OXR1: variants seen among roughly 807,000 people sequenced by gnomAD.
OXR1 encodes oxidation resistance 1, also known as oxidation resistance protein 1.
Under a neutral mutation model 104.6 loss-of-function variants are expected in OXR1, and 41 were observed. The observed-to-expected ratio is 0.39, with a 90% confidence interval of 0.31 to 0.51. The LOEUF is 0.51. OXR1 is among the 20% of genes least tolerant of loss of function. The pLI, the probability that OXR1 is intolerant of heterozygous loss-of-function variation, is 0.77. For synonymous variants in OXR1, 348 were observed against 348.4 expected (o/e 1.00, Z 0.01); for missense variants, 955 against 1,031.9 (o/e 0.93, Z 1.02).
chr8:106,596,546 G>T (rs1819536786), intron 3 of OXR1, among the ~76,000 whole-genome samples: 1 of 152,150 alleles, frequency 6.6e-6, no homozygotes, highest in South Asian at 2.1e-4. Flanking sequence ...GCAAATGAGT[G>T]CAATGGAAGA....
intron 2 of OXR1, among the ~76,000 whole-genome samples, chr8:106,484,702 T>C (rs766141739): frequency 2.6e-5 from 4 of 151,972 alleles, no homozygotes; most frequent in African/African-American, 4.8e-5. Flanking sequence ...CAACAGGAAC[T>C]CTCATTCATT....
intron 2 of OXR1, among the ~76,000 whole-genome samples, chr8:106,456,138 A>C (rs575091863): frequency 1.3e-5 from 2 of 152,192 alleles, no homozygotes; most frequent in Admixed American, 6.5e-5. Context: ...TAAATAAAAA[A>C]CTTTTTAAAA....
intron 2 of OXR1, among the ~76,000 whole-genome samples, chr8:106,363,506 C>T (rs1028176765): frequency 1.3e-4 from 19 of 150,582 alleles, no homozygotes; most frequent in African/African-American, 3.9e-4. Context: ...TTATAATTCA[C>T]AGAAAACCAT....
At chr8:106,667,461 C>T (rs547798176) in intron 3 of OXR1, among the ~76,000 whole-genome samples, 1 of 152,226 alleles carries the variant, frequency 6.6e-6, no homozygotes, top group East Asian at 1.9e-4. Flanking sequence ...TTTCTGCCAA[C>T]CTCTGGATAG....
At chr8:106,746,388 T>G (rs575388137) in intron 16 of OXR1, among the ~76,000 whole-genome samples, 52 of 60,900 alleles carry the variant, frequency 8.5e-4, no homozygotes, top group African/African-American at 3.3e-3. Flanking sequence ...GGAGCTTTGT[T>G]TTTTATTTGG....
Position 106,670,851 on chromosome 8 carries a change from A to G in OXR1, c.221-8359A>G, listed in dbSNP as rs542646467. ...GGGCAAAAGCATTATTTAAAGAGAG[A>G]ATGGCTGGCCAACATGGGGAAACCC... On this transcript the variant is annotated intron_variant, in intron 3 of 16. Transcript: ENST00000517566. Among the ~76,000 whole-genome samples, 8 of 151,872 alleles carry G rather than the reference A, an allele frequency of 5.3e-5. No homozygotes were observed. The South Asian group carries it at 1.5e-3, about 28-fold the overall frequency.
intron 1 of OXR1, among the ~76,000 whole-genome samples, chr8:106,348,078 G>A (rs1815570285): frequency 6.6e-6 from 1 of 152,196 alleles, no homozygotes; most frequent in South Asian, 2.1e-4. Flanking sequence ...TTCAAGAAGG[G>A]AAAGGACATT....
chr8:106,634,005 A>G (rs890215546), intron 3 of OXR1, among the ~76,000 whole-genome samples: 3 of 152,214 alleles, frequency 2.0e-5, no homozygotes, highest in African/African-American at 7.2e-5. Flanking sequence ...TGAATCGACA[A>G]TAATCTCCCT....
chr8:106,495,302 A>G (rs16874762), intron 2 of OXR1, among the ~76,000 whole-genome samples: 8,212 of 152,240 alleles, frequency 0.054, 294 homozygotes, highest in African/African-American at 0.092. Flanking sequence ...TCAGGTAACT[A>G]TTGAAAGTGT....
rs147014792 is a variant in OXR1 at position 106,750,919 on chromosome 8, T to C, written c.2600T>C (p.Ile867Thr). 26 of 1,604,276 alleles carry C rather than the reference T, an allele frequency of 1.6e-5. No homozygotes were observed. Among genetic ancestry groups the C allele is most frequent in the Middle Eastern group, 2.1e-4 (1 of 4,750 alleles). Residue 867 changes from isoleucine (I) to threonine (T), a missense_variant, in exon 17 of 17, where the codon ATT (isoleucine) becomes ACT (threonine). Ile to Thr is a moderately conservative substitution (Grantham distance 89). Transcript: ENST00000517566. ...AAGGAAGATTTCTTTATCCAAGATA[T>C]TGAAATCTGGGCTTTTGAATAAATA... ...SKKEDFFIQDIEIWAFE is the reference protein window; with the variant it reads ...SKKEDFFIQDTEIWAFE
intron 3 of OXR1, among the ~76,000 whole-genome samples, chr8:106,656,690 G>A (rs1825118575): frequency 6.6e-6 from 1 of 152,134 alleles, no homozygotes; most frequent in Non-Finnish European, 1.5e-5. Context: ...CTCTGAGGAT[G>A]CAGCCCAGAC....
At chr8:106,497,858 CAT>C (rs1234295262) in intron 2 of OXR1, among the ~76,000 whole-genome samples, 3 of 151,980 alleles carry the variant, frequency 2.0e-5, no homozygotes, top group Admixed American at 6.6e-5. Context: ...TGAGGCCAAA[CAT>C]ATGTTTCACC....
chr8:106,482,646 AC>A (rs1212262029), intron 2 of OXR1, among the ~76,000 whole-genome samples: 1 of 152,084 alleles, frequency 6.6e-6, no homozygotes, highest in African/African-American at 2.4e-5. Flanking sequence ...CTGTATTGAC[AC>A]AACAATATCA....
At chr8:106,733,989 ATTTTTTTT>A (rs34442106) in intron 11 of OXR1, among the ~76,000 whole-genome samples, 43,309 of 140,666 alleles carry the variant, frequency 0.31, 8,107 homozygotes, top group African/African-American at 0.55. Flanking sequence ...TTAATTCTGG[ATTTTTTTT>A]TTTTTTTTTT....
chr8:106,329,197 A>G (rs1469805747), intron 1 of OXR1, among the ~76,000 whole-genome samples: 2 of 151,090 alleles, frequency 1.3e-5, no homozygotes, highest in African/African-American at 2.4e-5. Flanking sequence ...TCACCATGTT[A>G]GCCAGGCTGA....
intron 1 of OXR1, among the ~76,000 whole-genome samples, chr8:106,311,340 T>A (rs1465077453): frequency 1.3e-5 from 2 of 152,348 alleles, no homozygotes; most frequent in African/African-American, 4.8e-5. Context: ...TCTGTCTGAA[T>A]TGTCCATTCA....
rs559464393 is a variant in OXR1 at position 106,486,283 on chromosome 8, GTTACA to G, written c.24-32654_24-32650del. 2.2e-4 allele frequency among the ~76,000 whole-genome samples: 34 copies of G among 152,174 alleles called. 1 individual carries two copies. The South Asian group carries it at 5.8e-3, about 26-fold the overall frequency. ...AAAATAAAACATTTTTAAAAGAAAT[GTTACA>G]TTACAACCTCTAATTGCTTCCACTT... On this transcript the variant is annotated intron_variant, in intron 2 of 16. Transcript: ENST00000517566.
chr8:106,672,264 G>A (rs1355505283), intron 3 of OXR1, among the ~76,000 whole-genome samples: 3 of 151,476 alleles, frequency 2.0e-5, no homozygotes, highest in African/African-American at 7.3e-5. Flanking sequence ...GATCGCTTGA[G>A]GTCAGGAGTT....
chr8:106,483,380 A>G (rs1272690809), intron 2 of OXR1, among the ~76,000 whole-genome samples: 1 of 151,850 alleles, frequency 6.6e-6, no homozygotes, highest in Non-Finnish European at 1.5e-5. Flanking sequence ...CATTATTAGG[A>G]AATACTTTAA....
Sources: allele counts gnomAD v4.1 joint callset (sites outside exome capture counted in the v4.1 genomes callset), GRCh38; gene constraint gnomAD v4.1.1; transcripts MANE v1.5; gene names NCBI Gene and HGNC (gene_info 2026-07-23, HGNC 2026-07-21).